The following IQGAP1 variants were observed in gnomAD, a reference collection of about 807,000 sequenced individuals.
IQGAP1 encodes ras GTPase-activating-like protein IQGAP1.
IQGAP1 carries 66 observed loss-of-function variants against 215.6 expected under a neutral mutation model. The ratio of observed to expected loss-of-function variants is 0.31; its 90% CI spans 0.25 to 0.38. The LOEUF is 0.38. IQGAP1 is among the 10% of genes least tolerant of loss of function. The pLI is 1.00. For synonymous variants in IQGAP1, 772 were observed against 728.7 expected (o/e 1.06, Z -0.96); for missense variants, 1,712 against 1,997.1 (o/e 0.86, Z 2.72).
At chr15:90,462,937 G>A (rs1965783308) in intron 15 of IQGAP1, among the ~76,000 whole-genome samples, 1 of 152,192 alleles carries the variant, frequency 6.6e-6, no homozygotes, top group Non-Finnish European at 1.5e-5. Flanking sequence ...ACTCTGCTCA[G>A]TCATTTGAGT....
At chr15:90,443,318 G>C (rs1262890971) in intron 8 of IQGAP1, 76 bp from the exon 9 acceptor site, 1 of 844,334 alleles carries the variant, frequency 1.2e-6, no homozygotes, top group Non-Finnish European at 2.0e-6. Context: ...TATGGTGCAG[G>C]AGGAGCACAC....
intron 2 of IQGAP1, among the ~76,000 whole-genome samples, chr15:90,407,491 G>A (rs1964895992): frequency 6.6e-6 from 1 of 152,172 alleles, no homozygotes; most frequent in Admixed American, 6.5e-5. Context: ...CTGCTTAATA[G>A]GAGGATAGTT....
chr15:90,413,628 G>C (rs1965000963), intron 2 of IQGAP1, among the ~76,000 whole-genome samples: 1 of 152,150 alleles, frequency 6.6e-6, no homozygotes, highest in Admixed American at 6.5e-5. Context: ...CAAATTTTAG[G>C]TTGAAAAGAG....
At chr15:90,391,223 ACTC>A (rs1964631851) in intron 2 of IQGAP1, 2 of 164,412 alleles carry the variant, frequency 1.2e-5, no homozygotes, top group Admixed American at 6.3e-5. Context: ...GGGTGACAAA[ACTC>A]CTGTTTTTGG....
intron 2 of IQGAP1, among the ~76,000 whole-genome samples, chr15:90,421,730 G>C (rs1015751865): frequency 1.3e-5 from 2 of 152,208 alleles, no homozygotes; most frequent in Admixed American, 6.5e-5. Flanking sequence ...TTGCTCTGCT[G>C]TTGCCCAGGC....
intron 2 of IQGAP1, among the ~76,000 whole-genome samples, chr15:90,408,470 A>G (rs1423177651): frequency 6.6e-6 from 1 of 152,200 alleles, no homozygotes; most frequent in Non-Finnish European, 1.5e-5. Flanking sequence ...TATGTACATA[A>G]ATAACTATTA....
intron 9 of IQGAP1, among the ~76,000 whole-genome samples, chr15:90,447,940 C>T (rs1457477082): frequency 6.6e-6 from 1 of 152,040 alleles, no homozygotes; most frequent in East Asian, 1.9e-4. Flanking sequence ...TCACTCTGCA[C>T]AGGTTGGACC....
chr15:90,397,553 G>T (rs1857564866), intron 2 of IQGAP1, among the ~76,000 whole-genome samples: 1 of 117,700 alleles, frequency 8.5e-6, no homozygotes, highest in South Asian at 2.6e-4. Flanking sequence ...GTCTTGCTCT[G>T]TCGCCCAGGC....
intron 3 of IQGAP1, among the ~76,000 whole-genome samples, chr15:90,426,839 G>A (rs1311428494): frequency 6.6e-6 from 1 of 151,532 alleles, no homozygotes; most frequent in South Asian, 2.1e-4. Context: ...TGTAATCCCA[G>A]CTACTCAGGA....
intron 25 of IQGAP1, 119 bp downstream of exon 25, chr15:90,477,349 T>G (rs1965994075): frequency 3.5e-6 from 3 of 852,916 alleles, no homozygotes; most frequent in Non-Finnish European, 5.3e-6. Flanking sequence ...AAATACTTAC[T>G]CTAAAGAAGC....
chr15:90,485,895 G>A lies in IQGAP1; in HGVS notation c.3922-135G>A, dbSNP rs139623842. ...TATTGTTTATTTGGGTTAGTTTGCT[G>A]AGGATTTGCTTGTTGTTTCTTTGAA... On this transcript the variant is annotated intron_variant, in intron 30 of 37. Transcript: ENST00000268182. 15 of 631,434 alleles carry A rather than the reference G, an allele frequency of 2.4e-5. No individual in the cohort carries two copies. In the East Asian group the frequency reaches 3.9e-4, roughly 17 times the overall value. 39.1% of individuals were successfully genotyped at this position (631,434 alleles called of 1,614,324 possible).
At chr15:90,457,848 T>C (rs999963023) in intron 15 of IQGAP1, among the ~76,000 whole-genome samples, 4 of 152,190 alleles carry the variant, frequency 2.6e-5, no homozygotes, top group African/African-American at 9.7e-5. Context: ...GGAACACATA[T>C]ATGAAGCTTT....
chr15:90,396,743 A>T (rs1245761137), intron 2 of IQGAP1, among the ~76,000 whole-genome samples: 3 of 152,208 alleles, frequency 2.0e-5, no homozygotes, highest in African/African-American at 4.8e-5. Flanking sequence ...AAGTGGTTGA[A>T]GCTGAGTGCT....
At chr15:90,451,022 T>A (rs1206529808) in intron 11 of IQGAP1, among the ~76,000 whole-genome samples, 2 of 152,326 alleles carry the variant, frequency 1.3e-5, no homozygotes, top group East Asian at 1.9e-4. Flanking sequence ...TTTAAGGTCT[T>A]AGCTAAATGG....
At chr15:90,469,975 G>A (rs1463080898) in intron 18 of IQGAP1, among the ~76,000 whole-genome samples, 4 of 151,908 alleles carry the variant, frequency 2.6e-5, no homozygotes, top group South Asian at 2.1e-4. Context: ...GGAATTCAGG[G>A]TACAACTTCT....
rs561061352 is a variant in IQGAP1 at position 90,453,398 on chromosome 15, G to A, written c.1487+106G>A. 5.3e-5 allele frequency: 44 copies of A among 834,602 alleles called. No individual in the cohort carries two copies. The African/African-American group carries it at 7.2e-4, about 14-fold the overall frequency. 51.7% of individuals were successfully genotyped at this position (834,602 alleles called of 1,614,324 possible). On this transcript the variant is annotated intron_variant, in intron 13 of 37. Transcript: ENST00000268182. ...TTGCAGGCATTATTACTTTATCATGGTCATACTTTTGTTTGGTTCTACTTT... is the reference window on the plus strand; with the variant it reads ...TTGCAGGCATTATTACTTTATCATGATCATACTTTTGTTTGGTTCTACTTT...
rs371210081 is a variant in IQGAP1, at chr15:90,441,492, GTT to G, written c.650-4_650-3del. 14 of 1,192,190 alleles carry G rather than the reference GTT, an allele frequency of 1.2e-5. No homozygotes were observed. The highest frequency in any genetic ancestry group is 4.8e-5 in the African/African-American group (3 of 63,072). 73.9% of individuals were successfully genotyped at this position (1,192,190 alleles called of 1,614,324 possible). A position where few individuals can be genotyped will look rare whatever the true frequency, so the allele number is the denominator to read the frequency against. On this transcript the variant is annotated splice_polypyrimidine_tract_variant and intron_variant, in intron 7 of 37. Coordinates refer to ENST00000268182, the MANE Select transcript of IQGAP1 (RefSeq NM_003870.4). The stretch of plus-strand genomic sequence containing the variant: ...AGTGTTTTTGTTGGTTTGTTTTTTT[GTT>G]TTTTTTTTTAGTACATGCTGCTGTT...
chr15:90,493,194 G>A (rs1180099548), intron 35 of IQGAP1, among the ~76,000 whole-genome samples: 1 of 150,684 alleles, frequency 6.6e-6, no homozygotes, highest in East Asian at 1.9e-4. Context: ...AGTGAGCCAC[G>A]ATTGCATCAC....
chr15:90,474,373 A>C (rs1965948872), intron 22 of IQGAP1, 112 bp from the exon 23 acceptor site: 2 of 906,972 alleles, frequency 2.2e-6, no homozygotes, highest in Admixed American at 1.9e-5. Context: ...TTGTCTTAGC[A>C]CATCTCAAAA....
Sources: gnomAD v4.1 joint callset for allele counts (sites outside exome capture counted in the v4.1 genomes callset) on GRCh38, gnomAD v4.1.1 for gene constraint, MANE v1.5 for transcripts, NCBI Gene and HGNC (gene_info 2026-07-23, HGNC 2026-07-21) for gene names.